The following ADK variants were observed in gnomAD, a reference collection of about 807,000 sequenced individuals.
ADK encodes the protein N6,N6-dimethyladenosine kinase.
ADK carries 24 observed loss-of-function variants against 44.7 expected under a neutral mutation model. That is an observed-to-expected ratio of 0.54 (90% confidence interval 0.39 to 0.76). ADK has a LOEUF of 0.76. Ranked by LOEUF, ADK falls within the 30% of genes least tolerant of loss-of-function variation. The probability of loss-of-function intolerance (pLI) is 0.00; values close to 1 mark genes in which losing one functional copy is unlikely to be tolerated. For synonymous variants in ADK, 128 were observed against 142.6 expected (o/e 0.90, Z 0.73); for missense variants, 321 against 425.1 (o/e 0.76, Z 2.15).
intron 3 of ADK, among the ~76,000 whole-genome samples, chr10:74,245,036 A>C (rs1468586930): frequency 6.6e-6 from 1 of 152,188 alleles, no homozygotes; most frequent in Non-Finnish European, 1.5e-5. Flanking sequence ...TTGAACCATA[A>C]AAGTCATGTA....
rs555821011 is a variant in ADK at position 74,489,678 on chromosome 10, A to AT, written c.556-35566dup. ...TCCAGATACAAAGCAGGATGTCATA[A>AT]TTTTTTTTTTTTACTATTCCAACTG... On this transcript the variant is annotated intron_variant, in intron 6 of 10. Transcript: ENST00000539909. 2.3e-3 allele frequency among the ~76,000 whole-genome samples: 343 copies of AT among 147,448 alleles called. 2 individuals are homozygous for AT. The highest frequency in any genetic ancestry group is 6.4e-3 in the African/African-American group (262 of 40,626).
chr10:74,551,314 G>A (rs561877747), intron 7 of ADK: 4 of 152,228 alleles, frequency 2.6e-5, no homozygotes, highest in Admixed American at 6.5e-5. Context: ...AGAAGAAATC[G>A]TATGAAAATA....
intron 10 of ADK, among the ~76,000 whole-genome samples, chr10:74,696,617 G>T (rs934182650): frequency 6.6e-6 from 1 of 151,782 alleles, no homozygotes; most frequent in Non-Finnish European, 1.5e-5. Context: ...TGATCTGCCC[G>T]CCTCGGCCTC....
chr10:74,298,323 T>TAACAAA (rs1228308679), intron 3 of ADK, among the ~76,000 whole-genome samples: 3 of 152,226 alleles, frequency 2.0e-5, no homozygotes, highest in African/African-American at 7.2e-5. Context: ...GACCCATTTG[T>TAACAAA]TAGCAAAGCA....
chr10:74,683,312 A>AC (rs1309176240), intron 10 of ADK, among the ~76,000 whole-genome samples: 1 of 152,194 alleles, frequency 6.6e-6, no homozygotes, highest in Non-Finnish European at 1.5e-5. Context: ...TATATGTACT[A>AC]CCACCAGTCA....
intron 9 of ADK, among the ~76,000 whole-genome samples, chr10:74,664,990 C>G (rs758269540): frequency 2.6e-5 from 4 of 152,244 alleles, no homozygotes; most frequent in African/African-American, 4.8e-5. Flanking sequence ...CAACTATAAC[C>G]TGGCTAACAG....
chr10:74,296,149 A>G (rs1839805907), intron 3 of ADK, among the ~76,000 whole-genome samples: 1 of 149,948 alleles, frequency 6.7e-6, no homozygotes, highest in Non-Finnish European at 1.5e-5. Context: ...TTAAAAAAAG[A>G]TTCTTGAGAT....
chr10:74,586,556 A>C (rs766480427), intron 7 of ADK, among the ~76,000 whole-genome samples: 1 of 152,170 alleles, frequency 6.6e-6, no homozygotes, highest in Non-Finnish European at 1.5e-5. Flanking sequence ...GTTAATTTTT[A>C]AAAATAATTT....
At chr10:74,362,771 G>A (rs1023017887) in intron 4 of ADK, among the ~76,000 whole-genome samples, 2 of 152,220 alleles carry the variant, frequency 1.3e-5, no homozygotes, top group African/African-American at 4.8e-5. Flanking sequence ...AGCCATCTCA[G>A]CACTAGAGTA....
intron 3 of ADK, among the ~76,000 whole-genome samples, chr10:74,236,497 A>C (rs935349894): frequency 1.6e-4 from 25 of 152,212 alleles, no homozygotes; most frequent in African/African-American, 5.8e-4. Context: ...GTATTGTGGC[A>C]CAAAGAAATT....
At chr10:74,600,576 A>G in intron 9 of ADK, 83 bp downstream of exon 9, 2 of 607,386 alleles carry the variant, frequency 3.3e-6, no homozygotes, top group Middle Eastern at 4.0e-4. Flanking sequence ...TTTCTATTAT[A>G]ATATATACAA....
chr10:74,293,162 T>C (rs1471437983), intron 3 of ADK, among the ~76,000 whole-genome samples: 1 of 52,162 alleles, frequency 1.9e-5, no homozygotes, highest in Non-Finnish European at 3.5e-5. Context: ...TGAAACCCTG[T>C]CTCAAAAAAA....
chr10:74,438,561 C>CA (rs1240553120), intron 6 of ADK, among the ~76,000 whole-genome samples: 1 of 152,096 alleles, frequency 6.6e-6, no homozygotes, highest in Non-Finnish European at 1.5e-5. Context: ...TTACCTCTGG[C>CA]AACCAGCATA....
chr10:74,499,484 C>T (rs371652522), intron 6 of ADK, among the ~76,000 whole-genome samples: 1 of 152,042 alleles, frequency 6.6e-6, no homozygotes, highest in Non-Finnish European at 1.5e-5. Flanking sequence ...GTCAGGAGAT[C>T]GAGACCATCC....
At chr10:74,381,262 A>T (rs1460209487) in intron 4 of ADK, among the ~76,000 whole-genome samples, 1 of 152,246 alleles carries the variant, frequency 6.6e-6, no homozygotes, top group African/African-American at 2.4e-5. Flanking sequence ...AAAGTTAAGT[A>T]TTTGATTTGA....
chr10:74,172,848 G>A (rs1365367621), intron 1 of ADK, among the ~76,000 whole-genome samples: 1 of 150,134 alleles, frequency 6.7e-6, no homozygotes, highest in African/African-American at 2.5e-5. Context: ...AGAGGTTGCA[G>A]TGAGCCAAGA....
intron 7 of ADK, among the ~76,000 whole-genome samples, chr10:74,569,144 C>T (rs964946391): frequency 5.9e-5 from 9 of 152,158 alleles, no homozygotes; most frequent in African/African-American, 2.2e-4. Context: ...CCATGGTGTA[C>T]ATGTGCCACG....
At chr10:74,242,021 T>C (rs547097545) in intron 3 of ADK, among the ~76,000 whole-genome samples, 5 of 152,368 alleles carry the variant, frequency 3.3e-5, no homozygotes, top group African/African-American at 2.4e-5. Context: ...TTTTCTCTTA[T>C]ATGCTGGTTC....
At chr10:74,610,535 A>G (rs936436551) in intron 9 of ADK, among the ~76,000 whole-genome samples, 2 of 152,206 alleles carry the variant, frequency 1.3e-5, no homozygotes, top group Non-Finnish European at 2.9e-5. Flanking sequence ...ACTGAGCTGT[A>G]TATTCAACAA....
Sources: allele counts gnomAD v4.1 joint callset (sites outside exome capture counted in the v4.1 genomes callset), GRCh38; gene constraint gnomAD v4.1.1; transcripts MANE v1.5; gene names NCBI Gene and HGNC (gene_info 2026-07-23, HGNC 2026-07-21).